Variants in HYCC1 observed in about 807,000 individuals in gnomAD.
The protein encoded by HYCC1 is hyccin.
chr7:22,960,296 T>C, the HYCC1 span: 1 of 1,613,830 alleles, frequency 6.2e-7, no homozygotes, highest in Non-Finnish European at 8.5e-7. Context: ...ACATGCTGGT[T>C]ACTGCATTTC....
chr7:22,960,251 C>T, the HYCC1 span: 4 of 1,613,040 alleles, frequency 2.5e-6, no homozygotes, highest in Admixed American at 6.7e-5. Flanking sequence ...TTACGTATTT[C>T]TTACCATGTC....
chr7:22,984,716 G>C, the HYCC1 span, among the ~76,000 whole-genome samples: 416 of 152,162 alleles, frequency 2.7e-3, 2 homozygotes, highest in African/African-American at 9.8e-3. Context: ...AATGAGACAG[G>C]GTCAAATTAA....
chr7:22,998,397 G>C, the HYCC1 span, among the ~76,000 whole-genome samples: 1 of 152,006 alleles, frequency 6.6e-6, no homozygotes, highest in Non-Finnish European at 1.5e-5. Flanking sequence ...TGAGATCTCT[G>C]GGAACTATGG....
the HYCC1 span, among the ~76,000 whole-genome samples, chr7:22,984,502 T>C: frequency 2.0e-5 from 3 of 152,058 alleles, no homozygotes; most frequent in African/African-American, 2.4e-5. Context: ...GGAGGACTGA[T>C]TGACCCCAGG....
At chr7:23,005,096 C>T in the HYCC1 span, among the ~76,000 whole-genome samples, 14 of 152,276 alleles carry the variant, frequency 9.2e-5, no homozygotes, top group South Asian at 1.9e-3. Flanking sequence ...AAAGCCACGG[C>T]GCCCGGCCTC....
the HYCC1 span, among the ~76,000 whole-genome samples, chr7:22,982,527 T>C: frequency 1.3e-5 from 2 of 152,202 alleles, no homozygotes; most frequent in Non-Finnish European, 2.9e-5. Flanking sequence ...CTCCAGGATA[T>C]GTTACTTTAC....
the HYCC1 span, among the ~76,000 whole-genome samples, chr7:22,984,273 A>T: frequency 5.3e-5 from 8 of 152,326 alleles, no homozygotes; most frequent in Admixed American, 1.3e-4. Flanking sequence ...AAGGCAAGGT[A>T]AACATGTTTA....
chr7:22,998,078 G>A, the HYCC1 span, among the ~76,000 whole-genome samples: 3 of 152,274 alleles, frequency 2.0e-5, no homozygotes, highest in South Asian at 2.1e-4. Flanking sequence ...GATCAGGCAC[G>A]TTCAAGGTGG....
At chr7:22,974,528 G>A in the HYCC1 span, among the ~76,000 whole-genome samples, 5 of 152,328 alleles carry the variant, frequency 3.3e-5, no homozygotes, top group East Asian at 1.9e-4. Flanking sequence ...GTTAGGAAAT[G>A]TAATTATGCT....
At chr7:22,919,319 G>A in the HYCC1 span, among the ~76,000 whole-genome samples, 425 of 152,244 alleles carry the variant, frequency 2.8e-3, 2 homozygotes, top group African/African-American at 9.8e-3. Context: ...ACCTGAAGTT[G>A]AGCGTTTGAG....
At chr7:22,953,423 A>G in the HYCC1 span, among the ~76,000 whole-genome samples, 1 of 151,950 alleles carries the variant, frequency 6.6e-6, no homozygotes, top group East Asian at 1.9e-4. Flanking sequence ...AAAAATGTAG[A>G]ATACAATAAT....
At chr7:22,915,490 T>G in the HYCC1 span, among the ~76,000 whole-genome samples, 1 of 152,230 alleles carries the variant, frequency 6.6e-6, no homozygotes, top group Non-Finnish European at 1.5e-5. Flanking sequence ...GAAATCAGAC[T>G]GTCCACCTTG....
chr7:22,934,655 T>C, the HYCC1 span: 9 of 152,046 alleles, frequency 5.9e-5, no homozygotes, highest in African/African-American at 2.2e-4. Flanking sequence ...ACAAAGCAAA[T>C]CAGCAAAGGG....
At chr7:22,915,535 GC>G in the HYCC1 span, among the ~76,000 whole-genome samples, 1 of 152,162 alleles carries the variant, frequency 6.6e-6, no homozygotes, top group African/African-American at 2.4e-5. Context: ...TGGAACTCTG[GC>G]CCAAGGCTCT....
chr7:22,969,252 G>A, the HYCC1 span, among the ~76,000 whole-genome samples: 1 of 149,838 alleles, frequency 6.7e-6, no homozygotes, highest in Non-Finnish European at 1.5e-5. Flanking sequence ...TCTGCTCACT[G>A]CACCCTCCAC....
the HYCC1 span, among the ~76,000 whole-genome samples, chr7:22,914,029 T>G: frequency 2.6e-5 from 4 of 152,174 alleles, no homozygotes; most frequent in Non-Finnish European, 5.9e-5. Flanking sequence ...CAATCTCCCT[T>G]TCCTTCCAAT....
the HYCC1 span, among the ~76,000 whole-genome samples, chr7:22,949,190 C>T: frequency 1.3e-5 from 2 of 152,030 alleles, no homozygotes; most frequent in South Asian, 4.1e-4. Context: ...TGCCCTAAGT[C>T]GCTTTCTTGA....
chr7:22,973,264 G>C, the HYCC1 span, among the ~76,000 whole-genome samples: 2 of 152,246 alleles, frequency 1.3e-5, no homozygotes, highest in East Asian at 3.9e-4. Flanking sequence ...TCTTTCCATA[G>C]ATATGAACTA....
At chr7:22,947,239 C>G in the HYCC1 span, 1 of 1,549,226 alleles carries the variant, frequency 6.5e-7, no homozygotes, top group Admixed American at 2.0e-5. Flanking sequence ...TTATTGTTGT[C>G]AGGTTGCTCT....
Sources: allele counts gnomAD v4.1 joint callset (sites outside exome capture counted in the v4.1 genomes callset), GRCh38; gene constraint gnomAD v4.1.1; transcripts MANE v1.5; gene names NCBI Gene and HGNC (gene_info 2026-07-23, HGNC 2026-07-21).